HPSE2: variants seen among roughly 807,000 people sequenced by gnomAD.
HPSE2 encodes heparanase 2 (inactive), also known as inactive heparanase-2.
In HPSE2, 38 loss-of-function variants were observed where a neutral mutation model predicts 60.5. The observed-to-expected ratio is 0.63, with a 90% CI of 0.48 to 0.82. The LOEUF (loss-of-function observed/expected upper bound fraction) is 0.82. Among genes scored for constraint, HPSE2 ranks in the 40% least tolerant of loss-of-function variants. The pLI is 0.00. For missense variants in HPSE2, 713 were observed against 740.4 expected (o/e 0.96, Z 0.43); for synonymous variants, 295 against 293.2 (o/e 1.01, Z -0.06).
chr10:99,156,002 G>C (rs1846536922), intron 2 of HPSE2, among the ~76,000 whole-genome samples: 1 of 151,192 alleles, frequency 6.6e-6, no homozygotes, highest in South Asian at 2.1e-4. Context: ...AAATCTAGAA[G>C]AAATGGATAA....
At chr10:98,887,761 C>A (rs1953207351) in intron 3 of HPSE2, among the ~76,000 whole-genome samples, 1 of 151,870 alleles carries the variant, frequency 6.6e-6, no homozygotes, top group African/African-American at 2.4e-5. Context: ...AAATGCATCT[C>A]CAAGAATTAG....
At chr10:99,203,673 A>T (rs1342548761) in intron 2 of HPSE2, among the ~76,000 whole-genome samples, 1 of 152,024 alleles carries the variant, frequency 6.6e-6, no homozygotes, top group Non-Finnish European at 1.5e-5. Context: ...CAAGACTGAA[A>T]CCAGCCCTCG....
At chr10:98,465,211 A>G (rs1940475408) in intron 11 of HPSE2, among the ~76,000 whole-genome samples, 1 of 152,256 alleles carries the variant, frequency 6.6e-6, no homozygotes, top group Non-Finnish European at 1.5e-5. Flanking sequence ...AAGCTTGTAA[A>G]CATAATCACA....
chr10:99,010,345 G>A (rs1445201027), intron 3 of HPSE2, among the ~76,000 whole-genome samples: 1 of 152,124 alleles, frequency 6.6e-6, no homozygotes, highest in East Asian at 1.9e-4. Context: ...CTTCACCTTT[G>A]CCTAGAAGCA....
intron 2 of HPSE2, among the ~76,000 whole-genome samples, chr10:99,196,709 A>G (rs955197653): frequency 5.9e-5 from 9 of 152,190 alleles, no homozygotes; most frequent in Non-Finnish European, 1.0e-4. Flanking sequence ...AAGACAGGCA[A>G]TAACAAATGC....
chr10:99,032,909 C>T (rs1421405878), intron 3 of HPSE2, among the ~76,000 whole-genome samples: 3 of 152,174 alleles, frequency 2.0e-5, no homozygotes, highest in African/African-American at 7.2e-5. Context: ...TTTAAGGATC[C>T]TTGTGATTAC....
intron 10 of HPSE2, among the ~76,000 whole-genome samples, chr10:98,483,620 G>A (rs1035754332): frequency 9.9e-5 from 15 of 152,268 alleles, no homozygotes; most frequent in Admixed American, 2.0e-4. Flanking sequence ...AAGTGATCGC[G>A]TGATTTGCTT....
chr10:98,585,866 T>C lies in HPSE2; in HGVS notation c.1320+29038A>G, dbSNP rs183332202. On this transcript the variant is annotated intron_variant, in intron 9 of 11. Coordinates refer to ENST00000370552, the MANE Select transcript of HPSE2 (RefSeq NM_021828.5). ...ACTCGGGAGGCTGAAGCAGGAGAAT[T>C]GCTTGAACCCGGGAGGCAGAGGTTT... is the stretch of plus-strand genomic sequence containing the variant. 7.8e-3 allele frequency among the ~76,000 whole-genome samples: 1,171 copies of C among 149,936 alleles called. 23 individuals are homozygous for C. The highest frequency in any genetic ancestry group is 0.014 in the Middle Eastern group (4 of 290).
At chr10:98,824,952 T>C (rs1951508718) in intron 3 of HPSE2, among the ~76,000 whole-genome samples, 1 of 152,212 alleles carries the variant, frequency 6.6e-6, no homozygotes, top group Non-Finnish European at 1.5e-5. Flanking sequence ...TTCTCTTTTA[T>C]TCACTCAACA....
At chr10:99,090,433 A>T (rs146016091) in intron 3 of HPSE2, among the ~76,000 whole-genome samples, 130 of 152,258 alleles carry the variant, frequency 8.5e-4, no homozygotes, top group African/African-American at 2.9e-3. Flanking sequence ...AGAGCTTTTC[A>T]GAAGTTCTAC....
At chr10:98,858,820 T>A (rs1952380646) in intron 3 of HPSE2, among the ~76,000 whole-genome samples, 1 of 152,226 alleles carries the variant, frequency 6.6e-6, no homozygotes, top group Admixed American at 6.5e-5. Flanking sequence ...TATTTCAAAG[T>A]TAATTATTTA....
upstream of HPSE2, chr10:99,235,913 C>T (rs1849828205): frequency 2.5e-6 from 2 of 806,510 alleles, no homozygotes; most frequent in Non-Finnish European, 4.2e-6. Flanking sequence ...TTCCCTTCCT[C>T]CCACCACCCC....
intron 9 of HPSE2, among the ~76,000 whole-genome samples, chr10:98,534,056 A>C (rs1001550054): frequency 3.9e-5 from 6 of 152,214 alleles, no homozygotes; most frequent in African/African-American, 1.4e-4. Context: ...CAGTTTAAAA[A>C]GTGACAGAAA....
chr10:98,823,673 T>C (rs1951475777), intron 3 of HPSE2, among the ~76,000 whole-genome samples: 1 of 152,044 alleles, frequency 6.6e-6, no homozygotes, highest in South Asian at 2.1e-4. Context: ...ATTTAAAGCA[T>C]AAATCTACCA....
At chr10:98,859,391 G>T (rs1279623265) in intron 3 of HPSE2, among the ~76,000 whole-genome samples, 1 of 152,148 alleles carries the variant, frequency 6.6e-6, no homozygotes, top group Non-Finnish European at 1.5e-5. Context: ...ATTTCTTGGT[G>T]TATCTGTGAG....
chr10:98,653,469 A>T (rs1331506950), intron 6 of HPSE2, among the ~76,000 whole-genome samples: 1 of 148,766 alleles, frequency 6.7e-6, no homozygotes, highest in Non-Finnish European at 1.5e-5. Flanking sequence ...TGAGCATTTT[A>T]TATAATTACA....
chr10:98,460,758 CCT>C, intron 11 of HPSE2, among the ~76,000 whole-genome samples: 1 of 152,306 alleles, frequency 6.6e-6, no homozygotes, highest in East Asian at 1.9e-4. Flanking sequence ...CCACTTTCAC[CCT>C]GAGAAGGGGG....
chr10:98,704,950 A>G (rs917537290), intron 5 of HPSE2, among the ~76,000 whole-genome samples: 24 of 152,326 alleles, frequency 1.6e-4, no homozygotes, highest in African/African-American at 4.3e-4. Context: ...AGCAAAAGAA[A>G]CTACAATCAG....
At chr10:99,310,918 C>G in the HPSE2 span, among the ~76,000 whole-genome samples, 1 of 152,074 alleles carries the variant, frequency 6.6e-6, no homozygotes, top group Non-Finnish European at 1.5e-5. Context: ...CATGAGCCAC[C>G]CATCATCCAT....
Sources: gnomAD v4.1 joint callset for allele counts (sites outside exome capture counted in the v4.1 genomes callset) on GRCh38, gnomAD v4.1.1 for gene constraint, MANE v1.5 for transcripts, NCBI Gene and HGNC (gene_info 2026-07-23, HGNC 2026-07-21) for gene names.